The following C17orf78 variants were observed in gnomAD, a reference collection of about 807,000 sequenced individuals.
The protein encoded by C17orf78 is uncharacterized protein C17orf78.
C17orf78 carries 27 observed loss-of-function variants against 31.8 expected under a neutral mutation model. That is an observed-to-expected ratio of 0.85 (90% CI 0.63 to 1.17). C17orf78 has a LOEUF of 1.17. Ranked by LOEUF, C17orf78 falls within the 50% of genes most tolerant of loss-of-function variation. C17orf78 has a pLI of 0.00. For missense variants in C17orf78, 258 were observed against 315.2 expected, an observed-to-expected ratio of 0.82 and a Z score of 1.37; for synonymous variants, 106 against 115.1, an observed-to-expected ratio of 0.92 and a Z score of 0.51.
chr17:37,377,380 C>T (rs1233984245), intron 1 of C17orf78, among the ~76,000 whole-genome samples: 2 of 152,022 alleles, frequency 1.3e-5, no homozygotes, highest in South Asian at 2.1e-4. Flanking sequence ...TTTTGAGGGC[C>T]GGGCGTGGTG....
At position 37,381,864 on chromosome 17, in the gene C17orf78, TG is replaced by T. The variant is rs1458947139; in HGVS notation, c.391+2483del. Among the ~76,000 whole-genome samples, 251 of 151,096 alleles carry T rather than the reference TG, an allele frequency of 1.7e-3. 1 individual carries two copies. The highest frequency in any genetic ancestry group is 5.2e-3 in the African/African-American group (210 of 40,626). On this transcript the variant is annotated intron_variant, in intron 3 of 6. Transcript: ENST00000615133. ...GGATGGTCTCGATCGCCTGACCTTG[TG>T]ATCTGCCCGCCTTGGCCTCCCAAAG...
chr17:37,379,017 A>C, intron 2 of C17orf78, 120 bp from the exon 3 acceptor site: 1 of 1,218,102 alleles, frequency 8.2e-7, no homozygotes, highest in Non-Finnish European at 1.1e-6. Context: ...GGCTGGAGTG[A>C]GCCATGATTG....
chr17:37,379,602 A>T (rs1365868719), intron 3 of C17orf78, among the ~76,000 whole-genome samples: 18 of 152,140 alleles, frequency 1.2e-4, no homozygotes, highest in Non-Finnish European at 1.2e-4. Context: ...CTCCCATCAA[A>T]AAGTGGGCAA....
At chr17:37,376,380 T>G (rs922121789) in intron 1 of C17orf78, among the ~76,000 whole-genome samples, 9 of 152,366 alleles carry the variant, frequency 5.9e-5, no homozygotes, top group Admixed American at 2.6e-4. Flanking sequence ...TGCATTCTTA[T>G]GTCTTGTTCA....
At chr17:37,391,591 G>A in intron 6 of C17orf78, 56 bp from the exon 7 acceptor site, 1 of 1,513,958 alleles carries the variant, frequency 6.6e-7, no homozygotes, top group Admixed American at 1.7e-5. Flanking sequence ...CTTGGTACAT[G>A]AAGAACTATA....
intron 6 of C17orf78, among the ~76,000 whole-genome samples, chr17:37,390,253 T>TATATAATATATTA (rs2050767925): frequency 2.9e-5 from 1 of 35,086 alleles, no homozygotes; most frequent in African/African-American, 2.6e-4. Context: ...TATATATATA[T>TATATAATATATTA]TATATATAAT....
chr17:37,386,358 G>A (rs9909907), intron 4 of C17orf78, among the ~76,000 whole-genome samples: 36,794 of 151,934 alleles, frequency 0.24, 4,602 homozygotes, highest in Middle Eastern at 0.37. Context: ...TTGGGAGGCC[G>A]AGGTGGGCGG....
chr17:37,382,522 G>A (rs1404789155), intron 3 of C17orf78, among the ~76,000 whole-genome samples: 1 of 152,020 alleles, frequency 6.6e-6, no homozygotes, highest in Non-Finnish European at 1.5e-5. Flanking sequence ...GACTAAAACT[G>A]GGAAATAAGT....
chr17:37,381,776 C>G (rs553701995), intron 3 of C17orf78, among the ~76,000 whole-genome samples: 2 of 151,696 alleles, frequency 1.3e-5, no homozygotes, highest in South Asian at 4.1e-4. Context: ...TACAGGCACT[C>G]GCCACCACAC....
intron 3 of C17orf78, among the ~76,000 whole-genome samples, chr17:37,384,369 A>G (rs2050435906): frequency 6.6e-6 from 1 of 152,212 alleles, no homozygotes; most frequent in African/African-American, 2.4e-5. Flanking sequence ...TGTTATCAAT[A>G]TTTCAAAATT....
intron 3 of C17orf78, among the ~76,000 whole-genome samples, chr17:37,381,829 G>A (rs11651475): frequency 0.023 from 3,523 of 150,890 alleles, 108 homozygotes; most frequent in East Asian, 0.15. Flanking sequence ...GGGTTTCACC[G>A]TGTTGGCCAG....
rs369482938 is a variant in C17orf78 at position 37,391,237 on chromosome 17, CA to C, written c.751-401del. ...TCGGTGACAGAGCGAGACTCTGTCTCAAAAAAAAATAGTACTAAGATAGCAA... is the reference window on the plus strand; with the variant it reads ...TCGGTGACAGAGCGAGACTCTGTCTCAAAAAAAATAGTACTAAGATAGCAA... On this transcript the variant is annotated intron_variant, in intron 6 of 6. Transcript: ENST00000615133. Among the ~76,000 whole-genome samples, 496 of 149,678 alleles carry C rather than the reference CA, an allele frequency of 3.3e-3. 3 individuals are homozygous for C. The highest frequency in any genetic ancestry group is 5.2e-3 in the Non-Finnish European group (348 of 67,304).
At chr17:37,385,935 G>A in intron 3 of C17orf78, 74 bp from the exon 4 acceptor site, 2 of 985,098 alleles carry the variant, frequency 2.0e-6, no homozygotes, top group Non-Finnish European at 3.1e-6. Flanking sequence ...AGCTGGGCAG[G>A]GTTTCATCAG....
Position 37,381,270 on chromosome 17 carries a change from C to T in C17orf78, c.391+1888C>T, listed in dbSNP as rs1044095637. On this transcript the variant is annotated intron_variant, in intron 3 of 6. Transcript: ENST00000615133. Reference sequence around the variant, plus strand: ...GCGCGATCTCGTCTCACTGCAACCTCCTCCTCCCAGGTTCACGTGATTCTC... The same window carrying T: ...GCGCGATCTCGTCTCACTGCAACCTTCTCCTCCCAGGTTCACGTGATTCTC... Among the ~76,000 whole-genome samples the T allele has an allele frequency of 5.3e-5, 8 of 152,148 alleles. No individual in the cohort carries two copies. In the East Asian group the frequency reaches 1.5e-3, roughly 29 times the overall value.
chr17:37,386,475 C>T (rs540442474), intron 4 of C17orf78, among the ~76,000 whole-genome samples: 100 of 152,060 alleles, frequency 6.6e-4, no homozygotes, highest in African/African-American at 2.3e-3. Context: ...ACCTGTAACC[C>T]CAGCTACTTG....
chr17:37,384,352 A>C (rs760716308), intron 3 of C17orf78, among the ~76,000 whole-genome samples: 7 of 152,244 alleles, frequency 4.6e-5, no homozygotes, highest in Non-Finnish European at 8.8e-5. Context: ...GAAAAGGAAA[A>C]GACGGCTGTT....
In C17orf78 at chr17:37,377,966, G is replaced by GT. The variant is rs1568075268; in HGVS notation, c.145+2dup. ...AGCATCAGAGAATTGCAAATGCAAGGTAGGGAATGGGTCCTTTCTGGAAAA... is the reference window on the plus strand; with the variant it reads ...AGCATCAGAGAATTGCAAATGCAAGGTTAGGGAATGGGTCCTTTCTGGAAAA... On this transcript the variant is annotated splice_donor_variant, in intron 2 of 6. Coordinates refer to ENST00000615133, the MANE Select transcript of C17orf78 (RefSeq NM_173625.5). LOFTEE classifies it high-confidence loss of function. 1 of 1,613,120 alleles carries GT rather than the reference G, an allele frequency of 6.2e-7. No homozygotes were observed. The highest frequency in any genetic ancestry group is 1.1e-5 in the South Asian group (1 of 91,034).
intron 3 of C17orf78, among the ~76,000 whole-genome samples, chr17:37,381,714 G>A (rs1021507540): frequency 7.0e-6 from 1 of 142,362 alleles, no homozygotes; most frequent in Non-Finnish European, 1.5e-5. Flanking sequence ...TGCAAGCTCC[G>A]CCTCTCGGGT....
chr17:37,387,812 A>C (rs994072946), intron 4 of C17orf78: 6 of 152,124 alleles, frequency 3.9e-5, no homozygotes, highest in African/African-American at 9.6e-5. Context: ...GTAAGATTCC[A>C]ATTTGGGTTA....
Sources: allele counts gnomAD v4.1 joint callset (sites outside exome capture counted in the v4.1 genomes callset), GRCh38; gene constraint gnomAD v4.1.1; transcripts MANE v1.5; gene names NCBI Gene and HGNC (gene_info 2026-07-23, HGNC 2026-07-21).